NT5M: variants seen among roughly 807,000 people sequenced by gnomAD.
NT5M encodes the protein 5',3'-nucleotidase, mitochondrial.
Under a neutral mutation model 22.2 loss-of-function variants are expected in NT5M, and 22 were observed. The ratio of observed to expected loss-of-function variants is 0.99; its 90% CI spans 0.71 to 1.41. The LOEUF is 1.41. Ranked by LOEUF, NT5M falls within the 40% of genes most tolerant of loss-of-function variation. NT5M has a pLI of 0.00. For missense variants in NT5M, 322 were observed against 314.8 expected (o/e 1.02, Z -0.17); for synonymous variants, 167 against 133.0 (o/e 1.26, Z -1.76).
chr17:17,305,733 C>G (rs1288068449), intron 1 of NT5M, among the ~76,000 whole-genome samples: 2 of 152,076 alleles, frequency 1.3e-5, no homozygotes, highest in East Asian at 3.9e-4. Flanking sequence ...CTCTGGTTGT[C>G]ACTTTCCCCT....
intron 2 of NT5M, among the ~76,000 whole-genome samples, chr17:17,314,759 C>A (rs1360916374): frequency 6.6e-6 from 1 of 152,182 alleles, no homozygotes; most frequent in Non-Finnish European, 1.5e-5. Flanking sequence ...GGTCTTAGGA[C>A]CTTTGTTCTT....
At chr17:17,325,742 C>G (rs911858508) in intron 3 of NT5M, among the ~76,000 whole-genome samples, 6 of 152,206 alleles carry the variant, frequency 3.9e-5, no homozygotes, top group Non-Finnish European at 5.9e-5. Context: ...CTGTGCCCCC[C>G]TCTCTGTGTG....
At chr17:17,309,032 G>T (rs902468644) in intron 2 of NT5M, among the ~76,000 whole-genome samples, 6 of 152,072 alleles carry the variant, frequency 3.9e-5, no homozygotes, top group African/African-American at 1.4e-4. Flanking sequence ...AGATGTTTGG[G>T]CAGTTTTCAC....
At position 17,303,764 on chromosome 17, in the gene NT5M, C is replaced by G; in HGVS notation, c.214C>G (p.Arg72Gly). The G allele has an allele frequency of 1.9e-6, 3 of 1,585,488 alleles. No homozygotes were observed. Among genetic ancestry groups the G allele is most frequent in the Non-Finnish European group, 2.6e-6 (3 of 1,167,694 alleles). Residue 72 changes from arginine (R) to glycine (G), a missense_variant, in exon 1 of 5, where the codon CGG becomes GGG. Coordinates refer to ENST00000389022, the MANE Select transcript of NT5M (RefSeq NM_020201.4). The stretch of plus-strand genomic sequence containing the variant: ...CCAGCCCTTCATCGCGCTGGAGGAC[C>G]GGCGCGGCTTCTGGGTGTCGGAGCA... Reference protein sequence around the residue: ...PDQPFIALEDRRGFWVSEQYG... With the variant: ...PDQPFIALEDGRGFWVSEQYG...
rs140259795 is a variant in NT5M at position 17,339,002 on chromosome 17, C to T, written c.430-5792C>T. 7.9e-3 allele frequency among the ~76,000 whole-genome samples: 1,206 copies of T among 152,294 alleles called. 14 individuals are homozygous for T. The highest frequency in any genetic ancestry group is 0.027 in the African/African-American group (1,113 of 41,562). ...TCGGCCTCCCGAAGTGCTAGGATTACAGGCGTGAGCCACCGCACCTGGCCT... is the reference window on the plus strand; with the variant it reads ...TCGGCCTCCCGAAGTGCTAGGATTATAGGCGTGAGCCACCGCACCTGGCCT... On this transcript the variant is annotated intron_variant, in intron 3 of 4. Coordinates refer to ENST00000389022, the MANE Select transcript of NT5M (RefSeq NM_020201.4).
chr17:17,346,845 C>T lies in NT5M; in HGVS notation c.585C>T (p.Thr195=), dbSNP rs2240876. Residue 195 remains threonine (T), a synonymous_variant, in exon 5 of 5, where the codon ACC becomes ACT. Transcript: ENST00000389022. ...PTPSWEHVLF[T]ACHNQHLQLQ... ...CCAGCTGGGAGCATGTCCTCTTCAC[C>T]GCCTGCCACAACCAGCACCTGCAGC... is the stretch of plus-strand genomic sequence containing the variant. The T allele has an allele frequency of 0.07, 113,204 of 1,607,784 alleles. 7,379 individuals carry two copies. The highest frequency in any genetic ancestry group is 0.39 in the East Asian group (17,400 of 44,850).
chr17:17,323,589 A>G lies in NT5M; in HGVS notation c.429+344A>G, dbSNP rs1175577284. On this transcript the variant is annotated intron_variant, in intron 3 of 4. Transcript: ENST00000389022. ...AGGTGGGTAAAGTTCATTTTGCTGT[A>G]TACTCACTTTATTATCTTTATTGAA... Among the ~76,000 whole-genome samples, 6 of 152,358 alleles carry G rather than the reference A, an allele frequency of 3.9e-5. No individual in the cohort carries two copies. In the East Asian group the frequency reaches 5.8e-4, roughly 15 times the overall value.
rs140058618 is a variant in NT5M, at chr17:17,343,938, G to C, written c.430-856G>C. ...GGGCCCATGGGCCAGAGCAGGTGCC[G>C]TGCTTAGGCTGCGCCCACCCCTGGC... On this transcript the variant is annotated intron_variant, in intron 3 of 4. Coordinates refer to ENST00000389022, the MANE Select transcript of NT5M (RefSeq NM_020201.4). 2.0e-5 allele frequency among the ~76,000 whole-genome samples: 3 copies of C among 152,168 alleles called. No homozygotes were observed. The East Asian group carries it at 5.8e-4, about 29-fold the overall frequency.
At chr17:17,344,469 ATGGCCGCCCTC>A (rs1343722328) in intron 3 of NT5M, among the ~76,000 whole-genome samples, 1 of 152,012 alleles carries the variant, frequency 6.6e-6, no homozygotes, top group Admixed American at 6.5e-5. Flanking sequence ...GGTGGCACAC[ATGGCCGCCCTC>A]TGCTCCCTGT....
intron 2 of NT5M, among the ~76,000 whole-genome samples, chr17:17,318,441 A>G (rs554411808): frequency 2.1e-5 from 3 of 143,038 alleles, no homozygotes; most frequent in East Asian, 4.3e-4. Context: ...AGATCGTGCC[A>G]CTGAACTCCA....
intron 3 of NT5M, among the ~76,000 whole-genome samples, chr17:17,336,554 CTTTTT>C (rs71355546): frequency 7.3e-6 from 1 of 136,860 alleles, no homozygotes; most frequent in Non-Finnish European, 1.6e-5. Context: ...TTTTTCTTTT[CTTTTT>C]TTTTTTTTTT....
At chr17:17,334,968 G>T (rs1447130670) in intron 3 of NT5M, among the ~76,000 whole-genome samples, 1 of 152,086 alleles carries the variant, frequency 6.6e-6, no homozygotes, top group East Asian at 1.9e-4. Context: ...ACAATATTGG[G>T]TCTTCTGATC....
chr17:17,313,528 G>A (rs1279831847), intron 2 of NT5M, among the ~76,000 whole-genome samples: 1 of 152,164 alleles, frequency 6.6e-6, no homozygotes, highest in East Asian at 1.9e-4. Context: ...GCTGAAGTGG[G>A]CACTGAGTAC....
chr17:17,340,907 A>G (rs1280479136), intron 3 of NT5M, among the ~76,000 whole-genome samples: 4 of 151,910 alleles, frequency 2.6e-5, no homozygotes, highest in Admixed American at 2.0e-4. Context: ...TTTTTTTTAA[A>G]TTCAGGCCCC....
chr17:17,328,441 C>T (rs952293747), intron 3 of NT5M, among the ~76,000 whole-genome samples: 4 of 152,178 alleles, frequency 2.6e-5, no homozygotes, highest in African/African-American at 7.2e-5. Context: ...CACCCCCTCA[C>T]CCACCGTTTG....
intron 3 of NT5M, among the ~76,000 whole-genome samples, chr17:17,338,708 GT>G (rs1277616879): frequency 2.7e-5 from 1 of 36,430 alleles, no homozygotes; most frequent in Admixed American, 3.3e-4. Context: ...TTGTATTTCT[GT>G]GAAGAATGTC....
At chr17:17,319,156 G>C (rs1229410959) in intron 2 of NT5M, among the ~76,000 whole-genome samples, 1 of 151,430 alleles carries the variant, frequency 6.6e-6, no homozygotes, top group Non-Finnish European at 1.5e-5. Flanking sequence ...AGAGGTTGCA[G>C]TGAGCTGAGA....
chr17:17,305,990 T>A lies in NT5M; in HGVS notation c.268-553T>A, dbSNP rs573788592. Among the ~76,000 whole-genome samples, 6 of 152,204 alleles carry A rather than the reference T, an allele frequency of 3.9e-5. No individual in the cohort carries two copies. The South Asian group carries it at 1.0e-3, about 26-fold the overall frequency. ...TCTAAAAGCAGCAGAATCCTTTTTT[T>A]AAAAATGTACTTATTGGCACCTCAA... On this transcript the variant is annotated intron_variant, in intron 1 of 4. Coordinates refer to ENST00000389022, the MANE Select transcript of NT5M (RefSeq NM_020201.4).
rs1428310203 is a variant in NT5M at position 17,303,433 on chromosome 17, C to T, written c.-118C>T. On this transcript the variant is annotated 5_prime_UTR_variant, in exon 1 of 5. Coordinates refer to ENST00000389022, the MANE Select transcript of NT5M (RefSeq NM_020201.4). ...GCTCCCCGCCCCGCTCCCCGTCCCG[C>T]GCTCCACGCGCGCCCCAGCGTTGGG... 3.0e-6 allele frequency: 3 copies of T among 992,948 alleles called. No homozygotes were observed. The highest frequency in any genetic ancestry group is 3.6e-6 in the Non-Finnish European group (3 of 834,444). 61.5% of individuals were successfully genotyped at this position (992,948 alleles called of 1,614,324 possible).
Sources: gnomAD v4.1 joint callset for allele counts (sites outside exome capture counted in the v4.1 genomes callset) on GRCh38, gnomAD v4.1.1 for gene constraint, MANE v1.5 for transcripts, NCBI Gene and HGNC (gene_info 2026-07-23, HGNC 2026-07-21) for gene names.